SSRP1: variants seen among roughly 807,000 people sequenced by gnomAD.
SSRP1 encodes the protein FACT complex subunit SSRP1.
A neutral mutation model predicts 84.4 loss-of-function variants in SSRP1; 21 were observed. That is an observed-to-expected ratio of 0.25 (90% CI 0.18 to 0.36). The LOEUF (loss-of-function observed/expected upper bound fraction) is 0.36, where lower values mean the gene tolerates loss of function less well. SSRP1 is among the 10% of genes least tolerant of loss of function. The pLI is 1.00. For synonymous variants in SSRP1, 319 were observed against 318.3 expected, an observed-to-expected ratio of 1.00 and a Z score of -0.02; for missense variants, 519 against 900.8, an observed-to-expected ratio of 0.58 and a Z score of 5.43.
At chr11:57,334,897 C>T (rs1856177226) in intron 2 of SSRP1, among the ~76,000 whole-genome samples, 171 bp downstream of exon 2, 1 of 152,244 alleles carries the variant, frequency 6.6e-6, no homozygotes, top group East Asian at 1.9e-4. Flanking sequence ...GTCCCTATAA[C>T]TCTGAGACTA....
rs917752485 is a variant in SSRP1 at position 57,335,774 on chromosome 11, G to A, written c.-164C>T. The stretch of plus-strand genomic sequence containing the variant: ...GCGAGGGCCCCGGCGCGAGAGGTGG[G>A]CGCGCTGGGGGGACGCGGGGGGGGC... On this transcript the variant is annotated 5_prime_UTR_variant, in exon 1 of 17. Transcript: ENST00000278412. This position sits in a 1 kb window ranked among gnomAD's most constrained non-coding sequence, Gnocchi z 4.6. 110 of 152,264 alleles carry A rather than the reference G, an allele frequency of 7.2e-4. 3 individuals are homozygous for A. Among genetic ancestry groups the A allele is most frequent in the Non-Finnish European group, 2.1e-4 (14 of 68,102 alleles). The allele number at this position is 152,264 out of a possible 1,614,324, so 9.4% of individuals were successfully genotyped here. A position where few individuals can be genotyped will look rare whatever the true frequency, so the allele number is the denominator to read the frequency against.
chr11:57,329,842 C>G, intron 12 of SSRP1: 2 of 578,702 alleles, frequency 3.5e-6, no homozygotes, highest in Non-Finnish European at 6.1e-6. Context: ...AACTACGAAC[C>G]AGCCCCAACT....
intron 3 of SSRP1, 91 bp from the exon 4 acceptor site, chr11:57,333,631 A>G: frequency 1.1e-6 from 1 of 934,786 alleles, no homozygotes; most frequent in Non-Finnish European, 1.7e-6. Flanking sequence ...TTTCTGAGAA[A>G]CTGCCCCAAA....
chr11:57,331,987 G>A, intron 8 of SSRP1, 98 bp from the exon 9 acceptor site: 1 of 1,496,138 alleles, frequency 6.7e-7, no homozygotes, highest in Non-Finnish European at 9.1e-7. Context: ...CCTCGACTAA[G>A]TAAACCTCAC....
intron 2 of SSRP1, among the ~76,000 whole-genome samples, 186 bp from the exon 3 acceptor site, chr11:57,334,834 T>G (rs1856175249): frequency 6.6e-6 from 1 of 152,200 alleles, no homozygotes; most frequent in African/African-American, 2.4e-5. Flanking sequence ...CCTTAACAGA[T>G]TCTCAGTTTC....
chr11:57,334,526 G>A lies in SSRP1; in HGVS notation c.177C>T (p.Gly59=). Residue 59 remains glycine, a synonymous_variant, in exon 3 of 17, where the codon GGC becomes GGT. Transcript: ENST00000278412. ...TEGIWRRVAL[G]HGLKLLTKNG... ...TCTTTGTAAGCAGTTTAAGTCCATG[G>A]CCCAGAGCAACACGGCGCCAGATAC... 1 of 1,614,182 alleles carries A rather than the reference G, an allele frequency of 6.2e-7. No homozygotes were observed. The highest frequency in any genetic ancestry group is 8.5e-7 in the Non-Finnish European group (1 of 1,180,036).
intron 2 of SSRP1, 26 bp from the exon 3 acceptor site, chr11:57,334,674 A>G (rs1435175101): frequency 6.2e-7 from 1 of 1,612,516 alleles, no homozygotes; most frequent in Non-Finnish European, 8.5e-7. Context: ...GCCCAGATGC[A>G]TGGAGACAGT....
intron 16 of SSRP1, 42 bp downstream of exon 16, chr11:57,326,661 C>A (rs767928710): frequency 1.2e-6 from 2 of 1,601,914 alleles, no homozygotes; most frequent in African/African-American, 2.7e-5. Flanking sequence ...CACACATGCC[C>A]CTCACCCTGC....
intron 9 of SSRP1, among the ~76,000 whole-genome samples, chr11:57,331,366 G>A (rs1462951455): frequency 1.3e-5 from 2 of 152,162 alleles, no homozygotes; most frequent in African/African-American, 4.8e-5. Context: ...GAAAGAAAGA[G>A]ATAGCATTTC....
At chr11:57,334,035 A>T (rs1856151819) in intron 3 of SSRP1, among the ~76,000 whole-genome samples, 1 of 152,164 alleles carries the variant, frequency 6.6e-6, no homozygotes, top group Non-Finnish European at 1.5e-5. Flanking sequence ...TGCCTGTGGT[A>T]CCAGATACTC....
rs369695760 is a variant in SSRP1 at position 57,331,699 on chromosome 11, C to T, written c.1192G>A (p.Gly398Ser). 8.1e-6 allele frequency: 13 copies of T among 1,614,072 alleles called. No homozygotes were observed. Among genetic ancestry groups the T allele is most frequent in the African/African-American group, 8.0e-5 (6 of 75,008 alleles). ...ATGCTGCTGAAGGTATACTGAGTGC[C>T]CTGCTTGGTCTCAATTTCAAAGTCA... ...SFDFEIETKQGTQYTFSSIER... is the reference protein window; with the variant it reads ...SFDFEIETKQSTQYTFSSIER... The change falls in exon 9 of 17, where the codon GGC becomes AGC. Residue 398 changes from glycine (G) to serine (S), a missense_variant. Physicochemically the swap from Gly to Ser is moderately conservative, Grantham distance 56 (BLOSUM62 0). This residue lies in a region of SSRP1 where 16 missense variants were observed against 29.0 expected (regional missense o/e 0.55). Coordinates refer to ENST00000278412, the MANE Select transcript of SSRP1 (RefSeq NM_003146.3).
Position 57,326,739 on chromosome 11 carries a change from T to A in SSRP1, c.2022A>T (p.Gly674=). ...EFVSSDESSS[G]ENKSKKKRRR... ...TCCTCTTCTTTTTGCTCTTGTTCTC[T>A]CCCGAAGAGCTCTCATCACTAGACA... The change falls in exon 16 of 17, where the codon GGA becomes GGT. Residue 674 remains glycine, a synonymous_variant. Transcript: ENST00000278412. 1 of 1,614,180 alleles carries A rather than the reference T, an allele frequency of 6.2e-7. No individual in the cohort carries two copies. The highest frequency in any genetic ancestry group is 8.5e-7 in the Non-Finnish European group (1 of 1,180,034).
intron 12 of SSRP1, 106 bp downstream of exon 12, chr11:57,329,987 C>G (rs1489441937): frequency 7.2e-7 from 1 of 1,394,642 alleles, no homozygotes; most frequent in South Asian, 1.2e-5. Context: ...CTCTCCCATT[C>G]TGGGTCAGTA....
intron 9 of SSRP1, among the ~76,000 whole-genome samples, chr11:57,331,427 G>A (rs1023684516): frequency 6.6e-6 from 1 of 152,102 alleles, no homozygotes; most frequent in African/African-American, 2.4e-5. Context: ...AAGACATATA[G>A]CTTTCAGAAT....
Position 57,330,278 on chromosome 11 carries a change from G to A in SSRP1, c.1435+13C>T, listed in dbSNP as rs777640480. The A allele has an allele frequency of 6.2e-7, 1 of 1,614,200 alleles. No homozygotes were observed. The highest frequency in any genetic ancestry group is 8.5e-7 in the Non-Finnish European group (1 of 1,180,038). On this transcript the variant is annotated intron_variant, in intron 11 of 16. Transcript: ENST00000278412. The surrounding 1 kb of genome is among the most constrained non-coding windows in gnomAD (Gnocchi z 4.0). ...TCTGACCATCCTCGTGCTCAGCACG[G>A]AGGCTAACCCACCGGTTTCTTCTCC...
Position 57,330,426 on chromosome 11 carries a change from T to G in SSRP1, c.1300A>C (p.Met434Leu). Residue 434 changes from methionine (M) to leucine (L), a missense_variant, in exon 11 of 17, where the codon ATG (methionine) becomes CTG (leucine). Met to Leu is a conservative substitution (Grantham distance 15). This residue lies in a region of SSRP1 where 34 missense variants were observed against 34.3 expected (regional missense o/e 0.99). Coordinates refer to ENST00000278412, the MANE Select transcript of SSRP1 (RefSeq NM_003146.3). The surrounding 1 kb of genome is among the most constrained non-coding windows in gnomAD (Gnocchi z 4.0). Reference protein sequence around the residue: ...NIKNRGLKEGMNPSYDEYADS... With the variant: ...NIKNRGLKEGLNPSYDEYADS... ...GCATATTCATCGTAGCTTGGGTTCA[T>G]GCCCTAGCCAGGGAAGAGTTCACGG... 6.2e-7 allele frequency: 1 copy of G among 1,613,920 alleles called. No individual in the cohort carries two copies. Among genetic ancestry groups the G allele is most frequent in the East Asian group, 2.2e-5 (1 of 44,886 alleles).
chr11:57,326,339 G>T lies in SSRP1; in HGVS notation c.*68C>A. 6.8e-7 allele frequency: 1 copy of T among 1,467,996 alleles called. No homozygotes were observed. Among genetic ancestry groups the T allele is most frequent in the South Asian group, 1.1e-5 (1 of 88,084 alleles). The allele number at this position is 1,467,996 out of a possible 1,614,324, so 90.9% of individuals were successfully genotyped here. Reference sequence around the variant, plus strand: ...GACTGCATTTCATGAGGAGAAACTGGTACCAAAATATGGGTGGGGAGTCGG... The same window carrying T: ...GACTGCATTTCATGAGGAGAAACTGTTACCAAAATATGGGTGGGGAGTCGG... On this transcript the variant is annotated 3_prime_UTR_variant, in exon 17 of 17. Transcript: ENST00000278412.
chr11:57,326,508 G>C (rs768069020), intron 16 of SSRP1, 30 bp from the exon 17 acceptor site: 1 of 1,613,500 alleles, frequency 6.2e-7, no homozygotes, highest in African/African-American at 1.3e-5. Flanking sequence ...TAAGGGAAAA[G>C]CTGGAGTCCT....
At chr11:57,328,004 G>T in intron 13 of SSRP1, 122 bp from the exon 14 acceptor site, 1 of 1,233,368 alleles carries the variant, frequency 8.1e-7, no homozygotes, top group Non-Finnish European at 1.1e-6. Context: ...CAGGCGAGAC[G>T]AGAGCTCCCT....
Sources: allele counts gnomAD v4.1 joint callset (sites outside exome capture counted in the v4.1 genomes callset), GRCh38; gene constraint gnomAD v4.1.1; regional missense constraint gnomAD v4.1.1; non-coding constraint Gnocchi (gnomAD v3.1); transcripts MANE v1.5; gene names NCBI Gene and HGNC (gene_info 2026-07-23, HGNC 2026-07-21).